PLPP1: variants seen among roughly 807,000 people sequenced by gnomAD.
PLPP1 encodes the protein lipid phosphate phosphohydrolase 1a.
A neutral mutation model predicts 31.2 loss-of-function variants in PLPP1; 24 were observed. The observed-to-expected ratio is 0.77, with a 90% CI of 0.56 to 1.08. PLPP1 has a LOEUF of 1.08. PLPP1 is among the 50% of genes least tolerant of loss of function. The pLI is 0.00. For synonymous variants in PLPP1, 146 were observed against 126.3 expected (o/e 1.16, Z -1.05); for missense variants, 319 against 342.7 (o/e 0.93, Z 0.55).
intron 3 of PLPP1, among the ~76,000 whole-genome samples, chr5:55,448,214 T>C (rs984585837): frequency 8.5e-5 from 13 of 152,200 alleles, no homozygotes; most frequent in Non-Finnish European, 1.9e-4. Flanking sequence ...TATCAGATTA[T>C]TATCTACAAG....
intron 4 of PLPP1, among the ~76,000 whole-genome samples, chr5:55,429,960 C>T (rs539876145): frequency 3.9e-5 from 6 of 152,130 alleles, no homozygotes; most frequent in Non-Finnish European, 8.8e-5. Flanking sequence ...CCTATCCAGC[C>T]CGGCTCCACC....
intron 3 of PLPP1, among the ~76,000 whole-genome samples, chr5:55,467,507 G>C (rs563220412): frequency 6.7e-6 from 1 of 149,582 alleles, no homozygotes; most frequent in Admixed American, 6.7e-5. Flanking sequence ...GCAACATAGT[G>C]AGACTTAGTC....
intron 3 of PLPP1, among the ~76,000 whole-genome samples, chr5:55,463,930 C>G (rs1752227034): frequency 6.6e-6 from 1 of 151,566 alleles, no homozygotes; most frequent in Non-Finnish European, 1.5e-5. Context: ...AGAACTCTTA[C>G]AACTCAGACA....
chr5:55,492,309 GT>G (rs1486363213), intron 1 of PLPP1, among the ~76,000 whole-genome samples: 1 of 152,122 alleles, frequency 6.6e-6, no homozygotes, highest in East Asian at 1.9e-4. Flanking sequence ...AAATCCCAAG[GT>G]AGATTTTTTG....
intron 3 of PLPP1, among the ~76,000 whole-genome samples, chr5:55,467,170 A>G (rs1334384775): frequency 6.6e-6 from 1 of 152,204 alleles, no homozygotes; most frequent in African/African-American, 2.4e-5. Flanking sequence ...TCTAAACAAT[A>G]ATAATAAACT....
intron 1 of PLPP1, among the ~76,000 whole-genome samples, chr5:55,508,473 C>T (rs1753332141): frequency 6.6e-6 from 1 of 152,104 alleles, no homozygotes; most frequent in South Asian, 2.1e-4. Flanking sequence ...TAAGTCATTG[C>T]CTAGAACAAG....
At chr5:55,503,467 C>A (rs1284979747) in intron 1 of PLPP1, among the ~76,000 whole-genome samples, 2 of 151,998 alleles carry the variant, frequency 1.3e-5, no homozygotes, top group African/African-American at 4.8e-5. Flanking sequence ...TTTATCTCAA[C>A]TAATGAAGTC....
chr5:55,486,850 T>C (rs1752785210), intron 1 of PLPP1, among the ~76,000 whole-genome samples: 1 of 151,802 alleles, frequency 6.6e-6, no homozygotes, highest in African/African-American at 2.4e-5. Context: ...GAGGTGGAGG[T>C]TGCAGTGAGC....
At chr5:55,449,027 T>C (rs1263604423) in intron 3 of PLPP1, among the ~76,000 whole-genome samples, 2 of 152,216 alleles carry the variant, frequency 1.3e-5, no homozygotes, top group African/African-American at 2.4e-5. Flanking sequence ...TCAGTACAGA[T>C]GCAATTTTTT....
intron 4 of PLPP1, among the ~76,000 whole-genome samples, chr5:55,434,780 G>A (rs1199932746): frequency 6.6e-6 from 1 of 152,138 alleles, no homozygotes; most frequent in African/African-American, 2.4e-5. Context: ...AGACTTAAAT[G>A]TAAGACCTGA....
chr5:55,442,521 G>A (rs868701655), intron 3 of PLPP1, among the ~76,000 whole-genome samples: 15 of 151,898 alleles, frequency 9.9e-5, no homozygotes, highest in Non-Finnish European at 1.6e-4. Context: ...GCGTGGTGGC[G>A]TGTGCCTGTA....
chr5:55,484,626 T>C (rs993696100), intron 1 of PLPP1: 2 of 152,206 alleles, frequency 1.3e-5, no homozygotes, highest in Non-Finnish European at 2.9e-5. Flanking sequence ...ATGTGGCCTT[T>C]GTCCCTGGGA....
intron 2 of PLPP1, among the ~76,000 whole-genome samples, chr5:55,469,189 C>T (rs1050130759): frequency 1.3e-5 from 2 of 151,892 alleles, no homozygotes; most frequent in Non-Finnish European, 1.5e-5. Flanking sequence ...CTACCTGAAA[C>T]CAAAATAAAC....
At chr5:55,505,972 G>A (rs1208146800) in intron 1 of PLPP1, among the ~76,000 whole-genome samples, 5 of 152,130 alleles carry the variant, frequency 3.3e-5, no homozygotes, top group African/African-American at 1.2e-4. Context: ...CAGGAGAATC[G>A]CTTGAACCTG....
intron 3 of PLPP1, among the ~76,000 whole-genome samples, chr5:55,466,763 T>G (rs1294174896): frequency 3.3e-5 from 5 of 152,042 alleles, no homozygotes; most frequent in Non-Finnish European, 7.4e-5. Flanking sequence ...CCCACGTTGC[T>G]TTCAAGAATA....
At chr5:55,496,824 G>A (rs1208266233) in intron 1 of PLPP1, among the ~76,000 whole-genome samples, 1 of 152,134 alleles carries the variant, frequency 6.6e-6, no homozygotes, top group Non-Finnish European at 1.5e-5. Flanking sequence ...AGTGATAATT[G>A]AAACCTCTTC....
At chr5:55,531,587 G>C (rs1415914487) in intron 1 of PLPP1, among the ~76,000 whole-genome samples, 1 of 152,194 alleles carries the variant, frequency 6.6e-6, no homozygotes, top group Non-Finnish European at 1.5e-5. Context: ...TGTTCTAACA[G>C]TCAATTCTTA....
chr5:55,533,586 G>C (rs1047449862), intron 1 of PLPP1, among the ~76,000 whole-genome samples: 1 of 152,084 alleles, frequency 6.6e-6, no homozygotes, highest in Non-Finnish European at 1.5e-5. Flanking sequence ...CTTCCATCCA[G>C]GTGGCTAAAG....
At chr5:55,534,065 G>A (rs2111971169) in intron 1 of PLPP1, among the ~76,000 whole-genome samples, 1 of 152,126 alleles carries the variant, frequency 6.6e-6, no homozygotes, top group Middle Eastern at 3.4e-3. Flanking sequence ...ATCCCTACTT[G>A]CAACCTGACA....
Sources: gnomAD v4.1 joint callset for allele counts (sites outside exome capture counted in the v4.1 genomes callset) on GRCh38, gnomAD v4.1.1 for gene constraint, MANE v1.5 for transcripts, NCBI Gene and HGNC (gene_info 2026-07-23, HGNC 2026-07-21) for gene names.